Variants in ITIH1 observed in about 807,000 individuals in gnomAD.
ITIH1 encodes the protein inter-alpha-trypsin inhibitor heavy chain 1.
ITIH1 carries 94 observed loss-of-function variants against 104.6 expected under a neutral mutation model. The observed-to-expected ratio is 0.90, with a 90% CI of 0.76 to 1.07. ITIH1 has a LOEUF of 1.07. Ranked by LOEUF, ITIH1 falls within the 50% of genes least tolerant of loss-of-function variation. The probability of loss-of-function intolerance (pLI) is 0.00; values close to 1 mark genes in which losing one functional copy is unlikely to be tolerated. For synonymous variants in ITIH1, 455 were observed against 464.4 expected (o/e 0.98, Z 0.26); for missense variants, 1,193 against 1,181.4 (o/e 1.01, Z -0.14).
intron 3 of ITIH1, 165 bp downstream of exon 3, chr3:52,778,671 G>C: frequency 6.9e-7 from 1 of 1,448,916 alleles, no homozygotes; most frequent in Non-Finnish European, 9.0e-7. Context: ...CTTTAGGTCT[G>C]TGCTTGGCTC....
rs1350261286 is a variant in ITIH1 at position 52,782,220 on chromosome 3, T to C, written c.883T>C (p.Phe295Leu). The C allele has an allele frequency of 6.2e-7, 1 of 1,614,116 alleles. No individual in the cohort carries two copies. Among genetic ancestry groups the C allele is most frequent in the Non-Finnish European group, 8.5e-7 (1 of 1,180,028 alleles). Reference sequence around the variant, plus strand: ...GACAAACATGAACAAGAACGTGGTTTTTGTGATTGACATCAGTGGCTCCAT... The same window carrying C: ...GACAAACATGAACAAGAACGTGGTTCTTGTGATTGACATCAGTGGCTCCAT... The part of the protein sequence containing the change: ...NLTNMNKNVV[F>L]VIDISGSMRG... Residue 295 changes from phenylalanine (F) to leucine (L), a missense_variant, in exon 8 of 22, where the codon TTT becomes CTT. Physicochemically the swap from Phe to Leu is conservative, Grantham distance 22 (BLOSUM62 0). Coordinates refer to ENST00000273283, the MANE Select transcript of ITIH1 (RefSeq NM_002215.4).
chr3:52,790,847 C>T lies in ITIH1; in HGVS notation c.2420C>T (p.Ser807Leu), dbSNP rs779926816. ...VVLHRVWKGS[S>L]VHQDFLGFYV... Reference sequence around the variant, plus strand: ...TTGCACCGAGTGTGGAAGGGGAGCTCGGTCCACCAGGACTTCCTGGGCTTC... The same window carrying T: ...TTGCACCGAGTGTGGAAGGGGAGCTTGGTCCACCAGGACTTCCTGGGCTTC... Residue 807 changes from serine to leucine, a missense_variant, in exon 20 of 22, where the codon TCG becomes TTG. Ser to Leu is a moderately radical substitution (Grantham distance 145, BLOSUM62 -2). Coordinates refer to ENST00000273283, the MANE Select transcript of ITIH1 (RefSeq NM_002215.4). 42 of 1,612,772 alleles carry T rather than the reference C, an allele frequency of 2.6e-5. No individual in the cohort carries two copies. The highest frequency in any genetic ancestry group is 9.4e-5 in the African/African-American group (7 of 74,860).
At chr3:52,786,498 G>A in intron 13 of ITIH1, 64 bp downstream of exon 13, 2 of 1,470,126 alleles carry the variant, frequency 1.4e-6, no homozygotes, top group South Asian at 1.2e-5. Context: ...ACCCCTTGGA[G>A]GTGAGCAGAG....
At position 52,789,693 on chromosome 3, in the gene ITIH1, G is replaced by C. The variant is rs1335906987; in HGVS notation, c.2160G>C (p.Arg720Ser). 1.9e-6 allele frequency: 3 copies of C among 1,614,100 alleles called. No individual in the cohort carries two copies. In the African/African-American group the frequency reaches 4.0e-5, roughly 22 times the overall value. Reference sequence around the variant, plus strand: ...GACAGCTCATTGGCAACAAGGCCAGGAGCCCTGGGCAGCATGACGGCACGT... The same window carrying C: ...GACAGCTCATTGGCAACAAGGCCAGCAGCCCTGGGCAGCATGACGGCACGT... ...VNGQLIGNKA[R>S]SPGQHDGTYF... is the part of the protein sequence containing the mutation. The change falls in exon 19 of 22, where the codon AGG becomes AGC. Residue 720 changes from arginine (R) to serine (S), a missense_variant. Transcript: ENST00000273283.
At position 52,787,191 on chromosome 3, in the gene ITIH1, C is replaced by A; in HGVS notation, c.1892C>A (p.Ser631Tyr). The A allele has an allele frequency of 6.2e-7, 1 of 1,614,126 alleles. No individual in the cohort carries two copies. The highest frequency in any genetic ancestry group is 1.1e-5 in the South Asian group (1 of 91,074). The change falls in exon 15 of 22, where the codon TCT becomes TAT. Residue 631 changes from serine (S) to tyrosine (Y), a missense_variant. Transcript: ENST00000273283. ...KPTIDKPSED[S>Y]PPLEMLGPRR... Reference sequence around the variant, plus strand: ...TTTCTCTTTCTCTCCCTTCCAGATTCTCCGCCTTTGGGTGAGTTTTAAATT... The same window carrying A: ...TTTCTCTTTCTCTCCCTTCCAGATTATCCGCCTTTGGGTGAGTTTTAAATT...
At chr3:52,781,293 T>C (rs975404441) in intron 6 of ITIH1, among the ~76,000 whole-genome samples, 5 of 123,324 alleles carry the variant, frequency 4.1e-5, no homozygotes, top group South Asian at 2.4e-4. Context: ...CTTCCTCTTC[T>C]TCTTCTTCTG....
chr3:52,790,353 G>A (rs1171930632), intron 19 of ITIH1: 1 of 279,022 alleles, frequency 3.6e-6, no homozygotes, highest in Non-Finnish European at 6.8e-6. Context: ...GAGGTGGGGA[G>A]AGTCTGCTGT....
intron 2 of ITIH1, 78 bp from the exon 3 acceptor site, chr3:52,778,262 C>G: frequency 6.9e-7 from 1 of 1,455,438 alleles, no homozygotes; most frequent in East Asian, 2.3e-5. Flanking sequence ...GGCTAAGTGC[C>G]AAGTCCCCGT....
chr3:52,788,815 C>CCTCCCAAAGT (rs1345616455), intron 18 of ITIH1, among the ~76,000 whole-genome samples: 4 of 152,218 alleles, frequency 2.6e-5, no homozygotes, highest in African/African-American at 9.7e-5. Flanking sequence ...TCCACCTCGG[C>CCTCCCAAAGT]CTCCCAAAGT....
chr3:52,789,566 G>A (rs1283011093), intron 18 of ITIH1, 87 bp from the exon 19 acceptor site: 1 of 1,182,002 alleles, frequency 8.5e-7, no homozygotes, highest in Non-Finnish European at 1.2e-6. Flanking sequence ...GCAGGGCGTA[G>A]AGGCCTCTTA....
chr3:52,780,413 G>A, intron 6 of ITIH1, 31 bp downstream of exon 6: 1 of 1,486,152 alleles, frequency 6.7e-7, no homozygotes, highest in Admixed American at 1.7e-5. Flanking sequence ...GTGGTGGTGG[G>A]CCCTTTGGAG....
chr3:52,785,073 GC>G lies in ITIH1; in HGVS notation c.1438del (p.Leu480TrpfsTer16). 1.9e-6 allele frequency: 3 copies of G among 1,614,118 alleles called. No individual in the cohort carries two copies. In the South Asian group the frequency reaches 3.3e-5, roughly 18 times the overall value. Reference sequence around the variant, plus strand: ...TCTACAGCCAGGTAGCCAAACCCCTGCTGGTGGATGTGGATTTGCAGTACCC... The same window carrying G: ...TCTACAGCCAGGTAGCCAAACCCCTGTGGTGGATGTGGATTTGCAGTACCC... The part of the protein sequence containing the change: ...GFYSQVAKPL[L>X]VDVDLQYPQD... On this transcript the variant is annotated frameshift_variant, in exon 12 of 22. Transcript: ENST00000273283. LOFTEE classifies it high-confidence loss of function.
Position 52,779,189 on chromosome 3 carries a change from G to C in ITIH1, c.410+143G>C. 1.3e-6 allele frequency: 1 copy of C among 745,824 alleles called. No individual in the cohort carries two copies. Among genetic ancestry groups the C allele is most frequent in the Non-Finnish European group, 2.4e-6 (1 of 424,868 alleles). The allele number at this position is 745,824 out of a possible 1,614,324, so 46.2% of individuals were successfully genotyped here. A position where few individuals can be genotyped will look rare whatever the true frequency, so the allele number is the denominator to read the frequency against. On this transcript the variant is annotated intron_variant, in intron 4 of 21. Coordinates refer to ENST00000273283, the MANE Select transcript of ITIH1 (RefSeq NM_002215.4). The surrounding 1 kb of genome is among the most constrained non-coding windows in gnomAD (Gnocchi z 4.4). ...ACTGCCCAAACCCAGATGCCAGCAC[G>C]GTGCACTGAACAGGCTGCCGTGCAG...
intron 7 of ITIH1, 27 bp downstream of exon 7, chr3:52,782,092 C>A: frequency 6.2e-7 from 1 of 1,614,142 alleles, no homozygotes; most frequent in Non-Finnish European, 8.5e-7. Flanking sequence ...TGGCTCAGCA[C>A]CCAGAGGATG....
intron 3 of ITIH1, 134 bp from the exon 4 acceptor site, chr3:52,778,808 C>A: frequency 9.6e-7 from 1 of 1,038,540 alleles, no homozygotes; most frequent in Non-Finnish European, 1.4e-6. Context: ...CCCATGGACC[C>A]CTGAGTTCCA....
chr3:52,789,163 C>CT (rs3216517), intron 18 of ITIH1, among the ~76,000 whole-genome samples: 74,384 of 151,900 alleles, frequency 0.49, 18,546 homozygotes, highest in Admixed American at 0.57. Context: ...AAGATAGTCC[C>CT]GCTTTCATAG....
In ITIH1 at chr3:52,787,039, A is replaced by G. The variant is rs1411540098; in HGVS notation, c.1828A>G (p.Ser610Gly). Residue 610 changes from serine to glycine, a missense_variant, in exon 14 of 22, where the codon AGC becomes GGC. Transcript: ENST00000273283. ...YGFVTPLTSM[S>G]IRGMADQDGL... ...GTTTGTGACCCCACTGACCTCCATGAGCATCAGGGGCATGGCGGACCAGGA... is the reference window on the plus strand; with the variant it reads ...GTTTGTGACCCCACTGACCTCCATGGGCATCAGGGGCATGGCGGACCAGGA... 6.2e-7 allele frequency: 1 copy of G among 1,614,108 alleles called. No individual in the cohort carries two copies. Among genetic ancestry groups the G allele is most frequent in the Admixed American group, 1.7e-5 (1 of 60,010 alleles).
intron 19 of ITIH1, chr3:52,790,158 C>T (rs1699314237): frequency 2.2e-6 from 1 of 460,334 alleles, no homozygotes; most frequent in Non-Finnish European, 4.0e-6. Context: ...CACCTCTTCC[C>T]CTCAGCCCTC....
chr3:52,777,908 C>T, intron 1 of ITIH1, 89 bp from the exon 2 acceptor site: 1 of 1,524,558 alleles, frequency 6.6e-7, no homozygotes, highest in Non-Finnish European at 9.1e-7. Flanking sequence ...GCAGAGGACA[C>T]AGGCTGTGTT....
Sources: allele counts gnomAD v4.1 joint callset (sites outside exome capture counted in the v4.1 genomes callset), GRCh38; gene constraint gnomAD v4.1.1; non-coding constraint Gnocchi (gnomAD v3.1); transcripts MANE v1.5; gene names NCBI Gene and HGNC (gene_info 2026-07-23, HGNC 2026-07-21).